The following CTNND2 variants were observed in gnomAD, a reference collection of about 807,000 sequenced individuals.
CTNND2 encodes catenin delta-2.
CTNND2 carries 22 observed loss-of-function variants against 144.4 expected under a neutral mutation model. The ratio of observed to expected loss-of-function variants is 0.15; its 90% CI spans 0.11 to 0.22. The LOEUF is 0.22. Among genes scored for constraint, CTNND2 ranks in the 10% least tolerant of loss-of-function variants. The pLI is 1.00. For missense variants in CTNND2, 1,353 were observed against 1,618.8 expected (o/e 0.84, Z 2.82); for synonymous variants, 751 against 695.6 (o/e 1.08, Z -1.25).
rs572899961 is a variant in CTNND2, at chr5:11,071,035, C to T, written c.2788+11661G>A. Among the ~76,000 whole-genome samples, 93 of 149,566 alleles carry T rather than the reference C, an allele frequency of 6.2e-4. 1 individual carries two copies. The highest frequency in any genetic ancestry group is 6.1e-3 in the Admixed American group (92 of 14,982). On this transcript the variant is annotated intron_variant, in intron 16 of 21. Coordinates refer to ENST00000304623, the MANE Select transcript of CTNND2 (RefSeq NM_001332.4). The stretch of plus-strand genomic sequence containing the variant: ...AAAAAGGCCCAGGACACAGCAGTGA[C>T]GTAAAGTGGAGAAGAAAAGGCCAAA...
intron 3 of CTNND2, among the ~76,000 whole-genome samples, chr5:11,552,631 C>A (rs1449927194): frequency 1.3e-5 from 2 of 152,166 alleles, no homozygotes; most frequent in African/African-American, 4.8e-5. Context: ...TAAAGGCACG[C>A]CTTAAATGTG....
intron 3 of CTNND2, among the ~76,000 whole-genome samples, chr5:11,504,715 T>C (rs1318916138): frequency 6.6e-6 from 1 of 152,142 alleles, no homozygotes; most frequent in Non-Finnish European, 1.5e-5. Context: ...TTCAGATACA[T>C]TTCATGGGTT....
chr5:11,016,377 A>C (rs992481546), intron 18 of CTNND2, among the ~76,000 whole-genome samples: 20 of 152,272 alleles, frequency 1.3e-4, no homozygotes, highest in Non-Finnish European at 2.8e-4. Context: ...GGGAAGTTAG[A>C]AAGGCCTTGG....
Position 11,129,065 on chromosome 5 carries a change from TTTATATATAAATAAAATATATATA to T in CTNND2, c.2160-11522_2160-11499del, listed in dbSNP as rs1246816631. ...TATTATATATAAATAAAATATATATTTTATATATAAATAAAATATATATATTATATATAAATAAAATATATATAT... is the reference window on the plus strand; with the variant it reads ...TATTATATATAAATAAAATATATATTTTATATATAAATAAAATATATATAT... On this transcript the variant is annotated intron_variant, in intron 12 of 21. Coordinates refer to ENST00000304623, the MANE Select transcript of CTNND2 (RefSeq NM_001332.4). Among the ~76,000 whole-genome samples, 69 of 15,628 alleles carry T rather than the reference TTTATATATAAATAAAATATATATA, an allele frequency of 4.4e-3. 2 individuals carry two copies. Among genetic ancestry groups the T allele is most frequent in the Non-Finnish European group, 7.5e-3 (61 of 8,162 alleles). The allele number at this position is 15,628 out of a possible 152,430, so 10.3% of individuals were successfully genotyped here.
At chr5:11,627,699 G>T (rs1373766714) in intron 2 of CTNND2, among the ~76,000 whole-genome samples, 1 of 151,694 alleles carries the variant, frequency 6.6e-6, no homozygotes. Context: ...GGCTGGGTGT[G>T]GGGGAGGGCA....
intron 3 of CTNND2, among the ~76,000 whole-genome samples, chr5:11,526,004 A>C (rs1773211448): frequency 6.6e-6 from 1 of 152,194 alleles, no homozygotes; most frequent in Non-Finnish European, 1.5e-5. Context: ...TCCCAGGTTC[A>C]AGGATTCTCC....
At chr5:11,547,059 A>C (rs1341751022) in intron 3 of CTNND2, among the ~76,000 whole-genome samples, 1 of 152,106 alleles carries the variant, frequency 6.6e-6, no homozygotes, top group African/African-American at 2.4e-5. Context: ...ACCTGAGGTC[A>C]GGGGTTCAAG....
intron 9 of CTNND2, among the ~76,000 whole-genome samples, chr5:11,331,862 G>A (rs1753173126): frequency 6.6e-6 from 1 of 152,186 alleles, no homozygotes; most frequent in African/African-American, 2.4e-5. Context: ...TGCACACTGG[G>A]GTGGCTACAG....
At chr5:11,271,995 G>GAAT (rs1746068711) in intron 9 of CTNND2, among the ~76,000 whole-genome samples, 1 of 151,586 alleles carries the variant, frequency 6.6e-6, no homozygotes, top group Non-Finnish European at 1.5e-5. Context: ...GCTGTTTTGG[G>GAAT]AATAATACAA....
intron 9 of CTNND2, among the ~76,000 whole-genome samples, chr5:11,340,118 CTT>C (rs1754097317): frequency 6.6e-6 from 1 of 152,152 alleles, no homozygotes; most frequent in Non-Finnish European, 1.5e-5. Flanking sequence ...TTCCAGACCT[CTT>C]TTCTTTTTAA....
chr5:11,431,140 T>C (rs1763252113), intron 3 of CTNND2, among the ~76,000 whole-genome samples: 1 of 152,212 alleles, frequency 6.6e-6, no homozygotes, highest in Admixed American at 6.5e-5. Flanking sequence ...TGGACTTTCT[T>C]CTTTTTCCTG....
At chr5:11,033,995 A>G (rs1455397320) in intron 16 of CTNND2, among the ~76,000 whole-genome samples, 1 of 152,248 alleles carries the variant, frequency 6.6e-6, no homozygotes, top group Non-Finnish European at 1.5e-5. Context: ...AAGGTAAAAA[A>G]TAGTACTAAG....
At chr5:11,626,440 T>C (rs1432081959) in intron 2 of CTNND2, among the ~76,000 whole-genome samples, 2 of 152,218 alleles carry the variant, frequency 1.3e-5, no homozygotes, top group Non-Finnish European at 2.9e-5. Flanking sequence ...CATAATTCAT[T>C]GAGATTCTAT....
intron 2 of CTNND2, among the ~76,000 whole-genome samples, chr5:11,677,233 AAG>A (rs776866732): frequency 4.6e-5 from 7 of 152,234 alleles, no homozygotes; most frequent in Non-Finnish European, 1.0e-4. Flanking sequence ...GCCAACTGAT[AAG>A]ATCATGTTCA....
At chr5:10,993,230 G>A (rs575760958) in intron 18 of CTNND2, among the ~76,000 whole-genome samples, 1 of 152,108 alleles carries the variant, frequency 6.6e-6, no homozygotes, top group South Asian at 2.1e-4. Flanking sequence ...TTTCAATATA[G>A]AGCATATTCA....
intron 11 of CTNND2, among the ~76,000 whole-genome samples, chr5:11,172,642 A>G (rs898104767): frequency 5.9e-5 from 9 of 152,232 alleles, no homozygotes; most frequent in African/African-American, 1.9e-4. Context: ...AAAACAAGAA[A>G]GCAAACACAT....
chr5:10,986,226 A>G (rs1401625813), intron 20 of CTNND2, among the ~76,000 whole-genome samples: 1 of 152,200 alleles, frequency 6.6e-6, no homozygotes, highest in Non-Finnish European at 1.5e-5. Context: ...AACATAGTAA[A>G]TTTTATGTTT....
In CTNND2 at chr5:11,364,773, G is replaced by T. The variant is rs765262324; in HGVS notation, c.1295C>A (p.Pro432His). ...PIYEDRVYQK[P>H]PMRSLSQSQG... ...GCTCTGGCTGAGACTCCTCATAGGG[G>T]GCTTCTGATAGACGCGGTCTTCATA... is the stretch of plus-strand genomic sequence containing the variant. Residue 432 changes from proline to histidine, a missense_variant, in exon 8 of 22, where the codon CCC becomes CAC. Coordinates refer to ENST00000304623, the MANE Select transcript of CTNND2 (RefSeq NM_001332.4). 3 of 1,613,774 alleles carry T rather than the reference G, an allele frequency of 1.9e-6. No homozygotes were observed. The highest frequency in any genetic ancestry group is 1.7e-5 in the Admixed American group (1 of 59,952).
At chr5:11,080,610 C>T (rs1012049960) in intron 16 of CTNND2, among the ~76,000 whole-genome samples, 5 of 152,032 alleles carry the variant, frequency 3.3e-5, no homozygotes, top group African/African-American at 9.7e-5. Context: ...AAATAAAATA[C>T]GGTATATATA....
Sources: allele counts gnomAD v4.1 joint callset (sites outside exome capture counted in the v4.1 genomes callset), GRCh38; gene constraint gnomAD v4.1.1; transcripts MANE v1.5; gene names NCBI Gene and HGNC (gene_info 2026-07-23, HGNC 2026-07-21).